Variants in LONP1 observed in about 807,000 individuals in gnomAD.
LONP1 encodes lon peptidase 1, mitochondrial, also known as lon protease homolog, mitochondrial.
In LONP1, 31 loss-of-function variants were observed where a neutral mutation model predicts 98.5. That is an observed-to-expected ratio of 0.31 (90% confidence interval 0.24 to 0.42). The LOEUF (loss-of-function observed/expected upper bound fraction) is 0.42, where lower values mean the gene tolerates loss of function less well. Ranked by LOEUF, LONP1 falls within the 20% of genes least tolerant of loss-of-function variation. LONP1 has a pLI of 1.00. For missense variants in LONP1, 1,336 were observed against 1,350.6 expected, an observed-to-expected ratio of 0.99 and a Z score of 0.17; for synonymous variants, 781 against 594.7, an observed-to-expected ratio of 1.31 and a Z score of -4.56.
intron 13 of LONP1, 119 bp downstream of exon 13, chr19:5,695,935 C>CCAG: frequency 2.4e-6 from 2 of 823,496 alleles, no homozygotes; most frequent in Non-Finnish European, 1.9e-6. Context: ...TGCTCCTCGG[C>CCAG]CGCAGGTCCC....
chr19:5,712,193 T>C, intron 3 of LONP1, 191 bp from the exon 4 acceptor site: 2 of 573,666 alleles, frequency 3.5e-6, no homozygotes, highest in Non-Finnish European at 6.2e-6. Flanking sequence ...CAGTGTCCCC[T>C]CCACCCCTTA....
rs567540489 is a variant in LONP1, at chr19:5,693,064, C to A, written c.2703+234G>T. ...TGGGAAGAGAAGCAGGAGCCACCCC[C>A]CCAATCCTACTGGGGAAGCCAGTGG... is the stretch of plus-strand genomic sequence containing the variant. On this transcript the variant is annotated intron_variant, in intron 17 of 17. Transcript: ENST00000360614. Among the ~76,000 whole-genome samples the A allele has an allele frequency of 8.5e-5, 13 of 152,316 alleles. No individual in the cohort carries two copies. In the East Asian group the frequency reaches 2.5e-3, roughly 29 times the overall value.
At chr19:5,693,854 C>T in intron 15 of LONP1, 85 bp from the exon 16 acceptor site, 1 of 1,141,292 alleles carries the variant, frequency 8.8e-7, no homozygotes, top group Non-Finnish European at 1.3e-6. Context: ...ACTCTGACCG[C>T]TCCTGCCCCA....
intron 8 of LONP1, 92 bp downstream of exon 8, chr19:5,705,680 A>AC: frequency 8.7e-7 from 1 of 1,145,444 alleles, no homozygotes; most frequent in South Asian, 1.3e-5. Flanking sequence ...AGAAGGTGCC[A>AC]CGGGGCTCCC....
At chr19:5,714,137 C>T (rs1262058105) in intron 2 of LONP1, 46 bp downstream of exon 2, 2 of 1,475,632 alleles carry the variant, frequency 1.4e-6, no homozygotes, top group South Asian at 2.3e-5. Context: ...GTGAGCTGGA[C>T]TCTAGGGCAC....
chr19:5,708,446 CAG>C, intron 4 of LONP1, 43 bp from the exon 5 acceptor site: 2 of 1,278,788 alleles, frequency 1.6e-6, no homozygotes, highest in African/African-American at 1.5e-5. Context: ...AGCAGTGCTC[CAG>C]CAGGGGGTGG....
chr19:5,705,750 C>T (rs1489272980), intron 8 of LONP1, 22 bp downstream of exon 8: 2 of 1,610,584 alleles, frequency 1.2e-6, no homozygotes, highest in Non-Finnish European at 1.7e-6. Flanking sequence ...GAGGGCTGGG[C>T]CGCCCCGGGC....
Position 5,720,048 on chromosome 19 carries a change from C to G in LONP1, c.85G>C (p.Gly29Arg), listed in dbSNP as rs1278099721. Residue 29 changes from glycine (G) to arginine (R), a missense_variant, in exon 1 of 18, where the codon GGG becomes CGG. Coordinates refer to ENST00000360614, the MANE Select transcript of LONP1 (RefSeq NM_004793.4). ...LRRPMLAAAG[G>R]RVPTAAGAWL... ...GCTCCTGCTGCAGTGGGAACCCGCC[C>G]CCCGGCGGCGGCCAGCATCGGCCGC... is the stretch of plus-strand genomic sequence containing the variant. 6.5e-7 allele frequency: 1 copy of G among 1,540,194 alleles called. No homozygotes were observed. Among genetic ancestry groups the G allele is most frequent in the Non-Finnish European group, 8.7e-7 (1 of 1,147,390 alleles).
intron 6 of LONP1, among the ~76,000 whole-genome samples, 174 bp downstream of exon 6, chr19:5,707,523 C>G (rs1247962811): frequency 6.6e-6 from 1 of 152,172 alleles, no homozygotes; most frequent in Non-Finnish European, 1.5e-5. Flanking sequence ...GGGAAATCAT[C>G]TCAAAAACAG....
chr19:5,697,348 A>G (rs1227598981), intron 10 of LONP1, among the ~76,000 whole-genome samples: 1 of 151,588 alleles, frequency 6.6e-6, no homozygotes, highest in Non-Finnish European at 1.5e-5. Flanking sequence ...TGTCTTAGGG[A>G]GAGGCCCCGA....
intron 8 of LONP1, among the ~76,000 whole-genome samples, chr19:5,701,350 T>C (rs555201191): frequency 6.6e-6 from 1 of 152,132 alleles, no homozygotes; most frequent in South Asian, 2.1e-4. Flanking sequence ...GTCTCCCCTT[T>C]CCCTCTTTCC....
At chr19:5,709,170 G>A (rs2055196978) in intron 4 of LONP1, among the ~76,000 whole-genome samples, 1 of 150,360 alleles carries the variant, frequency 6.7e-6, no homozygotes, top group South Asian at 2.1e-4. Context: ...ATAAGCAACT[G>A]CACCTGCCTA....
chr19:5,696,938 C>G (rs998223294), intron 10 of LONP1, among the ~76,000 whole-genome samples, 181 bp from the exon 11 acceptor site: 3 of 152,194 alleles, frequency 2.0e-5, no homozygotes, highest in Non-Finnish European at 2.9e-5. Context: ...ACGCTGGTCA[C>G]TTGCCCTGAC....
chr19:5,716,300 A>ATATATATATATATG (rs1568329236), intron 1 of LONP1, among the ~76,000 whole-genome samples: 7 of 118,652 alleles, frequency 5.9e-5, no homozygotes, highest in African/African-American at 2.2e-4. Context: ...ATATATATAT[A>ATATATATATATATG]GTAATGGCCC....
At chr19:5,701,277 CTACTAAAAA>C (rs2055036801) in intron 8 of LONP1, among the ~76,000 whole-genome samples, 1 of 152,218 alleles carries the variant, frequency 6.6e-6, no homozygotes, top group Non-Finnish European at 1.5e-5. Flanking sequence ...AACCCTGTCT[CTACTAAAAA>C]TACAAAAAAT....
chr19:5,692,006 C>T lies in LONP1; in HGVS notation c.*26G>A, dbSNP rs114371639. On this transcript the variant is annotated 3_prime_UTR_variant, in exon 18 of 18. Coordinates refer to ENST00000360614, the MANE Select transcript of LONP1 (RefSeq NM_004793.4). The stretch of plus-strand genomic sequence containing the variant: ...TCTGGCCCAGACAGGGCCTGACATC[C>T]GCCGCCTGCAGTCCCGGGGTGGCCG... The T allele has an allele frequency of 6.5e-5, 104 of 1,597,414 alleles. No homozygotes were observed. The highest frequency in any genetic ancestry group is 1.5e-4 in the Admixed American group (9 of 58,722).
intron 8 of LONP1, among the ~76,000 whole-genome samples, chr19:5,703,106 G>A (rs1249918822): frequency 4.0e-5 from 6 of 150,218 alleles, no homozygotes; most frequent in Admixed American, 2.0e-4. Context: ...GCATGAACCC[G>A]AGAGGCGGAG....
rs759451701 is a variant in LONP1, at chr19:5,719,981, G to A, written c.152C>T (p.Pro51Leu). Reference protein sequence around the residue: ...RGQRTCDASPPWALWGRGPAI... With the variant: ...RGQRTCDASPLWALWGRGPAI... ...CGGGCCTCGGCCCCACAGTGCCCAA[G>A]GAGGAGAGGCGTCGCAGGTCCGCTG... Residue 51 changes from proline (P) to leucine (L), a missense_variant, in exon 1 of 18, where the codon CCT (proline) becomes CTT (leucine). Around this residue, in one of 5 missense-constraint regions of LONP1, gnomAD observed 457 missense variants for 403.1 expected, o/e 1.13. Coordinates refer to ENST00000360614, the MANE Select transcript of LONP1 (RefSeq NM_004793.4). The A allele has an allele frequency of 1.9e-5, 30 of 1,583,452 alleles. No homozygotes were observed. Among genetic ancestry groups the A allele is most frequent in the Admixed American group, 3.6e-5 (2 of 55,664 alleles).
intron 1 of LONP1, among the ~76,000 whole-genome samples, chr19:5,719,315 A>C (rs2055384139): frequency 6.6e-6 from 1 of 152,234 alleles, no homozygotes; most frequent in Non-Finnish European, 1.5e-5. Flanking sequence ...TTCTGATCCC[A>C]GTGAGGCTCG....
Sources: allele counts gnomAD v4.1 joint callset (sites outside exome capture counted in the v4.1 genomes callset), GRCh38; gene constraint gnomAD v4.1.1; regional missense constraint gnomAD v4.1.1; transcripts MANE v1.5; gene names NCBI Gene and HGNC (gene_info 2026-07-23, HGNC 2026-07-21).